ZNF680: variants seen among roughly 807,000 people sequenced by gnomAD.
ZNF680 encodes hypothetical protein FLJ90430.
Under a neutral mutation model 12.1 loss-of-function variants are expected in ZNF680, and 6 were observed. The ratio of observed to expected loss-of-function variants is 0.49; its 90% confidence interval spans 0.27 to 0.98. The LOEUF (loss-of-function observed/expected upper bound fraction) is 0.98. ZNF680 is among the 50% of genes least tolerant of loss of function. The pLI is 0.12. For missense variants in ZNF680, 561 were observed against 616.3 expected (o/e 0.91, Z 0.95); for synonymous variants, 170 against 199.3 (o/e 0.85, Z 1.24).
intron 1 of ZNF680, among the ~76,000 whole-genome samples, chr7:64,554,858 A>AAGGCG (rs1787320107): frequency 1.3e-5 from 2 of 151,952 alleles, no homozygotes; most frequent in African/African-American, 4.8e-5. Context: ...TGCGGAAGGC[A>AAGGCG]GCGGGGCCCT....
At chr7:64,517,916 C>T (rs576531526), downstream of ZNF680, among the ~76,000 whole-genome samples, 1 of 152,072 alleles carries the variant, frequency 6.6e-6, no homozygotes, top group South Asian at 2.1e-4. Context: ...GCAAAATCTG[C>T]ATACAAAGGA....
intron 1 of ZNF680, among the ~76,000 whole-genome samples, chr7:64,557,886 T>C (rs1206845296): frequency 1.3e-5 from 2 of 152,140 alleles, no homozygotes; most frequent in African/African-American, 4.8e-5. Context: ...CAGAAAGGAC[T>C]AGAAAAAAAT....
downstream of ZNF680, among the ~76,000 whole-genome samples, chr7:64,517,565 C>T (rs947965330): frequency 1.4e-4 from 22 of 151,924 alleles, no homozygotes; most frequent in Admixed American, 6.6e-4. Context: ...CCACACGACA[C>T]GGTAAGAGGG....
chr7:64,517,902 CT>C (rs1211900738), downstream of ZNF680, among the ~76,000 whole-genome samples: 1 of 151,952 alleles, frequency 6.6e-6, no homozygotes, highest in Non-Finnish European at 1.5e-5. Flanking sequence ...AATTAAAACC[CT>C]CAGCAAAATC....
At chr7:64,515,774 G>GT (rs1285826313), downstream of ZNF680, among the ~76,000 whole-genome samples, 35 of 152,128 alleles carry the variant, frequency 2.3e-4, no homozygotes, top group Admixed American at 2.3e-3. Context: ...TCCACAAAAA[G>GT]TTTCTTCTCC....
rs948532677 is a variant in ZNF680, at chr7:64,521,076, G to C, written c.*85C>G. 1 of 1,374,564 alleles carries C rather than the reference G, an allele frequency of 7.3e-7. No individual in the cohort carries two copies. Among genetic ancestry groups the C allele is most frequent in the East Asian group, 2.3e-5 (1 of 43,416 alleles). The allele number at this position is 1,374,564 out of a possible 1,614,324, so 85.1% of individuals were successfully genotyped here. On this transcript the variant is annotated 3_prime_UTR_variant, in exon 4 of 4. Transcript: ENST00000309683. ...TAAATTATCTTACCTACAAGCAAGT[G>C]TAACAATCATTGGAAGGCTTTGTCA...
In ZNF680 at chr7:64,563,064, C is replaced by G. The variant is rs368439982; in HGVS notation, c.-110G>C. 5.6e-5 allele frequency: 75 copies of G among 1,332,106 alleles called. No individual in the cohort carries two copies. In the East Asian group the frequency reaches 6.2e-4, roughly 11 times the overall value. The allele number at this position is 1,332,106 out of a possible 1,614,324, so 82.5% of individuals were successfully genotyped here. A position where few individuals can be genotyped will look rare whatever the true frequency, so the allele number is the denominator to read the frequency against. ...ACTAGACCTGGAGCTCCCGCAGCAG[C>G]TAGAGACAAAGGCCCCGCCAAATCC... On this transcript the variant is annotated 5_prime_UTR_variant, in exon 1 of 4. Transcript: ENST00000309683.
At chr7:64,544,526 G>A (rs1333776649) in intron 1 of ZNF680, 94 bp from the exon 2 acceptor site, 2 of 1,516,106 alleles carry the variant, frequency 1.3e-6, no homozygotes, top group Admixed American at 2.0e-5. Flanking sequence ...TCAAGGCAAA[G>A]TAAGACAGTA....
At chr7:64,540,744 C>A (rs990505341) in intron 3 of ZNF680, among the ~76,000 whole-genome samples, 7 of 148,840 alleles carry the variant, frequency 4.7e-5, no homozygotes, top group African/African-American at 1.7e-4. Flanking sequence ...TATGGAACTG[C>A]AAAACAATAA....
chr7:64,523,900 G>A (rs1458281479), intron 3 of ZNF680, among the ~76,000 whole-genome samples: 4 of 149,800 alleles, frequency 2.7e-5, no homozygotes, highest in South Asian at 2.1e-4. Flanking sequence ...GCGACAGAGC[G>A]AGACTCCATC....
Position 64,519,915 on chromosome 7 carries a change from C to T in ZNF680, c.*1246G>A, listed in dbSNP as rs1160889053. 1.3e-5 allele frequency: 2 copies of T among 151,808 alleles called. No individual in the cohort carries two copies. The highest frequency in any genetic ancestry group is 4.8e-5 in the African/African-American group (2 of 41,478). The allele number at this position is 151,808 out of a possible 1,614,324, so 9.4% of individuals were successfully genotyped here. A position where few individuals can be genotyped will look rare whatever the true frequency, so the allele number is the denominator to read the frequency against. ...AGAAATGTTTAATTATAAAATTAAGCTTATACATAATCTAAAAATTTTCAA... is the reference window on the plus strand; with the variant it reads ...AGAAATGTTTAATTATAAAATTAAGTTTATACATAATCTAAAAATTTTCAA... On this transcript the variant is annotated 3_prime_UTR_variant, in exon 4 of 4. Coordinates refer to ENST00000309683, the MANE Select transcript of ZNF680 (RefSeq NM_178558.5).
At chr7:64,552,333 G>A (rs1288463659) in intron 1 of ZNF680, among the ~76,000 whole-genome samples, 24 of 152,236 alleles carry the variant, frequency 1.6e-4, no homozygotes, top group Admixed American at 9.8e-4. Context: ...GATTACAGGC[G>A]TGAGCCACTG....
At chr7:64,562,277 A>G (rs1787790411) in intron 1 of ZNF680, among the ~76,000 whole-genome samples, 1 of 152,018 alleles carries the variant, frequency 6.6e-6, no homozygotes, top group South Asian at 2.1e-4. Flanking sequence ...TGTTTTTTGT[A>G]AAGTATTACA....
chr7:64,561,743 G>A (rs1162748503), intron 1 of ZNF680, among the ~76,000 whole-genome samples: 1 of 146,398 alleles, frequency 6.8e-6, no homozygotes, highest in Admixed American at 6.9e-5. Context: ...GACCATCCTG[G>A]CTAACTTGGT....
the ZNF680 span, among the ~76,000 whole-genome samples, chr7:64,514,674 C>G: frequency 6.6e-6 from 1 of 151,976 alleles, no homozygotes; most frequent in Non-Finnish European, 1.5e-5. Flanking sequence ...TTATAAATAT[C>G]AAGCAAAACA....
intron 3 of ZNF680, among the ~76,000 whole-genome samples, chr7:64,530,336 T>C (rs565167805): frequency 1.9e-4 from 29 of 152,218 alleles, no homozygotes; most frequent in African/African-American, 6.7e-4. Flanking sequence ...ATACTAACAT[T>C]GAATGTAAGT....
At chr7:64,553,170 G>A (rs2116531799) in intron 1 of ZNF680, among the ~76,000 whole-genome samples, 1 of 151,230 alleles carries the variant, frequency 6.6e-6, no homozygotes, top group East Asian at 1.9e-4. Context: ...GTCTACAAAT[G>A]CTTCCTGTGA....
chr7:64,536,798 G>A (rs2116454284), intron 3 of ZNF680, among the ~76,000 whole-genome samples: 1 of 152,336 alleles, frequency 6.6e-6, no homozygotes, highest in South Asian at 2.1e-4. Flanking sequence ...ACTGGGTGCA[G>A]TGGCTCATGC....
At chr7:64,526,333 G>GACAGAATAAAAATAAAAA in intron 3 of ZNF680, 1 of 1,219,424 alleles carries the variant, frequency 8.2e-7, no homozygotes, top group African/African-American at 1.6e-5. Context: ...TAAAAATAAA[G>GACAGAATAAAAATAAAAA]ACTTTTCAAA....
Sources: gnomAD v4.1 joint callset for allele counts (sites outside exome capture counted in the v4.1 genomes callset) on GRCh38, gnomAD v4.1.1 for gene constraint, MANE v1.5 for transcripts, NCBI Gene and HGNC (gene_info 2026-07-23, HGNC 2026-07-21) for gene names.